The following PTPRN2 variants were observed in gnomAD, a reference collection of about 807,000 sequenced individuals.
PTPRN2 encodes receptor-type tyrosine-protein phosphatase N2.
PTPRN2 carries 74 observed loss-of-function variants against 118.8 expected under a neutral mutation model. The ratio of observed to expected loss-of-function variants is 0.62; its 90% confidence interval spans 0.52 to 0.76. The LOEUF (loss-of-function observed/expected upper bound fraction) is 0.76, where lower values mean the gene tolerates loss of function less well. Ranked by LOEUF, PTPRN2 falls within the 30% of genes least tolerant of loss-of-function variation. The probability of loss-of-function intolerance (pLI) is 0.00; values close to 1 mark genes in which losing one functional copy is unlikely to be tolerated. For synonymous variants in PTPRN2, 641 were observed against 608.0 expected (o/e 1.05, Z -0.80); for missense variants, 1,481 against 1,394.4 (o/e 1.06, Z -0.99).
At chr7:158,480,404 T>C (rs891374846) in intron 2 of PTPRN2, among the ~76,000 whole-genome samples, 1 of 152,118 alleles carries the variant, frequency 6.6e-6, no homozygotes, top group East Asian at 1.9e-4. Context: ...CCCATCTCGC[T>C]CCCTCTCCTC....
chr7:158,147,584 G>C (rs1404755882), intron 6 of PTPRN2, among the ~76,000 whole-genome samples: 1 of 79,706 alleles, frequency 1.3e-5, no homozygotes, highest in Non-Finnish European at 2.2e-5. Context: ...CTCACGCCAC[G>C]TGTCTTTCCC....
chr7:158,275,606 C>T (rs944334752), intron 3 of PTPRN2, among the ~76,000 whole-genome samples: 1 of 152,226 alleles, frequency 6.6e-6, no homozygotes, highest in Non-Finnish European at 1.5e-5. Flanking sequence ...TAGACACATT[C>T]TTTCACCACC....
chr7:158,520,642 G>T (rs751026871), intron 1 of PTPRN2, among the ~76,000 whole-genome samples: 2 of 152,198 alleles, frequency 1.3e-5, no homozygotes, highest in Non-Finnish European at 2.9e-5. Flanking sequence ...TGTGGGTGGT[G>T]ATAATTCCAT....
Position 157,729,499 on chromosome 7 carries a change from C to T in PTPRN2, c.1789-46562G>A, listed in dbSNP as rs142586966. Among the ~76,000 whole-genome samples, 91 of 152,280 alleles carry T rather than the reference C, an allele frequency of 6.0e-4. No homozygotes were observed. In the East Asian group the frequency reaches 0.015, roughly 25 times the overall value. ...TCCGCTGCTAAAATGCAAAGTTCCCCGAAGGCAGGTGGGCACTGTGCTGGT... is the reference window on the plus strand; with the variant it reads ...TCCGCTGCTAAAATGCAAAGTTCCCTGAAGGCAGGTGGGCACTGTGCTGGT... On this transcript the variant is annotated intron_variant, in intron 12 of 22. Transcript: ENST00000389418. This position sits in a 1 kb window ranked among gnomAD's most constrained non-coding sequence, Gnocchi z 4.3.
intron 12 of PTPRN2, among the ~76,000 whole-genome samples, chr7:157,773,779 T>C (rs1464413180): frequency 1.3e-5 from 2 of 152,230 alleles, no homozygotes; most frequent in Non-Finnish European, 1.5e-5. Flanking sequence ...GTGGGGCTTG[T>C]GTCCGCCTCA....
At chr7:158,137,478 C>T (rs750052367) in intron 7 of PTPRN2, among the ~76,000 whole-genome samples, 3 of 152,144 alleles carry the variant, frequency 2.0e-5, no homozygotes, top group Non-Finnish European at 2.9e-5. Flanking sequence ...CCCAAAGGTG[C>T]GTGACTCATG....
At chr7:158,261,347 G>A (rs78559762) in intron 3 of PTPRN2, among the ~76,000 whole-genome samples, 45,480 of 151,834 alleles carry the variant, frequency 0.3, 6,957 homozygotes, top group Middle Eastern at 0.33. Context: ...ACAGCCCCTG[G>A]GAAATAATAA....
intron 2 of PTPRN2, among the ~76,000 whole-genome samples, chr7:158,485,400 TCTCTGCGCCCCTCCTGCTCGGCCACCC>T (rs1820939512): frequency 4.1e-5 from 2 of 48,352 alleles, no homozygotes; most frequent in Non-Finnish European, 8.4e-5. Flanking sequence ...CGGCCACCCC[TCTCTGCGCCCCTCCTGCTCGGCCACCC>T]CTCTGCGCCT....
chr7:158,136,222 A>G (rs1818796379), intron 8 of PTPRN2, among the ~76,000 whole-genome samples: 2 of 152,140 alleles, frequency 1.3e-5, no homozygotes, highest in South Asian at 2.1e-4. Flanking sequence ...TATTCAATTT[A>G]AATATAGGTT....
chr7:158,191,375 G>A lies in PTPRN2; in HGVS notation c.549+952C>T, dbSNP rs144018840. Among the ~76,000 whole-genome samples the A allele has an allele frequency of 2.9e-3, 439 of 152,272 alleles. 3 individuals carry two copies. Among genetic ancestry groups the A allele is most frequent in the African/African-American group, 0.01 (425 of 41,562 alleles). ...GAAAGTGTGTCAAATTAGAGCTGATGTAACTAACGTTTGGCAGAAAAGGAG... is the reference window on the plus strand; with the variant it reads ...GAAAGTGTGTCAAATTAGAGCTGATATAACTAACGTTTGGCAGAAAAGGAG... On this transcript the variant is annotated intron_variant, in intron 5 of 22. Transcript: ENST00000389418.
At chr7:158,462,606 A>G (rs1054079671) in intron 2 of PTPRN2, among the ~76,000 whole-genome samples, 3 of 152,194 alleles carry the variant, frequency 2.0e-5, no homozygotes, top group African/African-American at 7.2e-5. Context: ...CTTAAAACTA[A>G]GACAAAAAGG....
rs372185407 is a variant in PTPRN2 at position 158,256,575 on chromosome 7, C to A, written c.278-51302G>T. 5.3e-5 allele frequency among the ~76,000 whole-genome samples: 8 copies of A among 150,646 alleles called. 1 individual carries two copies. In the South Asian group the frequency reaches 1.5e-3, roughly 28 times the overall value. On this transcript the variant is annotated intron_variant, in intron 3 of 22. Coordinates refer to ENST00000389418, the MANE Select transcript of PTPRN2 (RefSeq NM_002847.5). Reference sequence around the variant, plus strand: ...AGGTGGTGGAGGAGACAGAAGCTGGCGGGGGCGGGGGGGAACCTAGGCAGC... The same window carrying A: ...AGGTGGTGGAGGAGACAGAAGCTGGAGGGGGCGGGGGGGAACCTAGGCAGC...
chr7:157,662,586 C>T (rs975106940), intron 13 of PTPRN2, among the ~76,000 whole-genome samples: 1 of 152,210 alleles, frequency 6.6e-6, no homozygotes, highest in African/African-American at 2.4e-5. Flanking sequence ...AGGAGAGGCT[C>T]AGGCCCCAAG....
intron 2 of PTPRN2, among the ~76,000 whole-genome samples, chr7:158,479,917 G>C (rs953034853): frequency 6.6e-5 from 10 of 152,262 alleles, no homozygotes; most frequent in African/African-American, 9.6e-5. Flanking sequence ...GAGATCGACT[G>C]CTGTTTGGGT....
intron 6 of PTPRN2, among the ~76,000 whole-genome samples, chr7:158,153,365 GCTGA>G (rs1416225013): frequency 6.6e-6 from 1 of 152,224 alleles, no homozygotes; most frequent in East Asian, 1.9e-4. Flanking sequence ...GTCTGATTGA[GCTGA>G]CTAACACAAG....
chr7:158,064,848 G>A (rs1325207299), intron 11 of PTPRN2, among the ~76,000 whole-genome samples: 2 of 152,186 alleles, frequency 1.3e-5, no homozygotes, highest in Non-Finnish European at 2.9e-5. Context: ...GCTGTCGGGT[G>A]TCCCTGGGGA....
At chr7:157,933,158 CTG>C (rs776940384) in intron 11 of PTPRN2, among the ~76,000 whole-genome samples, 1 of 122,394 alleles carries the variant, frequency 8.2e-6, no homozygotes, top group Non-Finnish European at 1.9e-5. Flanking sequence ...GTGAGTCACT[CTG>C]ATTGACAGTT....
At chr7:158,282,276 G>A (rs757767827) in intron 3 of PTPRN2, among the ~76,000 whole-genome samples, 13 of 150,600 alleles carry the variant, frequency 8.6e-5, no homozygotes, top group East Asian at 5.9e-4. Context: ...GGTCTTTTCC[G>A]TCTGTCTTGG....
In PTPRN2 at chr7:157,903,847, A is replaced by G. The variant is rs1797607631; in HGVS notation, c.1724-5110T>C. Among the ~76,000 whole-genome samples, 1 of 152,120 alleles carries G rather than the reference A, an allele frequency of 6.6e-6. No homozygotes were observed. Among genetic ancestry groups the G allele is most frequent in the Non-Finnish European group, 1.5e-5 (1 of 68,002 alleles). On this transcript the variant is annotated intron_variant, in intron 11 of 22. Transcript: ENST00000389418. This position sits in a 1 kb window ranked among gnomAD's most constrained non-coding sequence, Gnocchi z 4.2. ...TTCCCACACTTCAATCCGTCTCCCC[A>G]TCCAGGCTGTGGATTTCCATGCACG...
Sources: gnomAD v4.1 joint callset for allele counts (sites outside exome capture counted in the v4.1 genomes callset) on GRCh38, gnomAD v4.1.1 for gene constraint, Gnocchi (gnomAD v3.1) non-coding constraint, MANE v1.5 for transcripts, NCBI Gene and HGNC (gene_info 2026-07-23, HGNC 2026-07-21) for gene names.